TCP10L: variants seen among roughly 807,000 people sequenced by gnomAD.
TCP10L encodes t-complex 10 like.
Under a neutral mutation model 19.2 loss-of-function variants are expected in TCP10L, and 11 were observed. That is an observed-to-expected ratio of 0.57 (90% CI 0.36 to 0.95). The LOEUF is 0.95. Among genes scored for constraint, TCP10L ranks in the 40% least tolerant of loss-of-function variants. The pLI is 0.01. For missense variants in TCP10L, 247 were observed against 263.9 expected (o/e 0.94, Z 0.44); for synonymous variants, 96 against 97.2 (o/e 0.99, Z 0.07).
intron 3 of TCP10L, among the ~76,000 whole-genome samples, chr21:32,580,737 C>T (rs1405832919): frequency 6.6e-6 from 1 of 152,166 alleles, no homozygotes; most frequent in Non-Finnish European, 1.5e-5. Context: ...GGAAACAGAA[C>T]CCAGACAAGG....
chr21:32,575,963 A>G lies in TCP10L; in HGVS notation c.*811T>C, dbSNP rs1435671328. 2 of 239,316 alleles carry G rather than the reference A, an allele frequency of 8.4e-6. No individual in the cohort carries two copies. Among genetic ancestry groups the G allele is most frequent in the Non-Finnish European group, 1.6e-5 (2 of 121,702 alleles). The allele number at this position is 239,316 out of a possible 1,614,324, so 14.8% of individuals were successfully genotyped here. The stretch of plus-strand genomic sequence containing the variant: ...TGCTCAGAGGGAAGTGACCGCTAGG[A>G]TTCGGAATCTCCAGTCACGGCCCCT... On this transcript the variant is annotated 3_prime_UTR_variant, in exon 5 of 5. Coordinates refer to ENST00000300258, the MANE Select transcript of TCP10L (RefSeq NM_144659.7).
intron 3 of TCP10L, among the ~76,000 whole-genome samples, chr21:32,580,401 C>G (rs147040998): frequency 0.025 from 3,855 of 151,788 alleles, 183 homozygotes; most frequent in African/African-American, 0.089. Context: ...CCACCGCGCC[C>G]AGCTGTGGCT....
intron 3 of TCP10L, among the ~76,000 whole-genome samples, chr21:32,580,764 C>T (rs2038484681): frequency 6.6e-6 from 1 of 152,128 alleles, no homozygotes. Flanking sequence ...TAACACTGGC[C>T]ACATTCACAC....
rs535143532 is a variant in TCP10L at position 32,574,531 on chromosome 21, G to A, written c.*2243C>T. 9.0e-4 allele frequency: 151 copies of A among 167,282 alleles called. 1 individual carries two copies. Among genetic ancestry groups the A allele is most frequent in the East Asian group, 2.5e-3 (13 of 5,204 alleles). 10.4% of individuals were successfully genotyped at this position (167,282 alleles called of 1,614,324 possible). A position where few individuals can be genotyped will look rare whatever the true frequency, so the allele number is the denominator to read the frequency against. ...GTGAGCTTCTCAGGTCTCCCTCAGG[G>A]GAACCTGGCGGGCCACCCTTGCAGA... On this transcript the variant is annotated 3_prime_UTR_variant, in exon 5 of 5. Coordinates refer to ENST00000300258, the MANE Select transcript of TCP10L (RefSeq NM_144659.7).
intron 1 of TCP10L, among the ~76,000 whole-genome samples, chr21:32,584,994 G>A (rs1200418689): frequency 6.6e-6 from 1 of 152,140 alleles, no homozygotes; most frequent in Non-Finnish European, 1.5e-5. Context: ...AAGCTTTCCT[G>A]CAAGCCTGCA....
Position 32,578,464 on chromosome 21 carries a change from T to A in TCP10L, c.498+230A>T, listed in dbSNP as rs1366414416. On this transcript the variant is annotated intron_variant, in intron 4 of 4. Transcript: ENST00000300258. The surrounding 1 kb of genome is among the most constrained non-coding windows in gnomAD (Gnocchi z 4.2). ...CAGACGCTTGCTGCTGTGAGTGTAC[T>A]CAGAGGGAAGCAGCCGGGAGGACTT... 2.0e-5 allele frequency among the ~76,000 whole-genome samples: 3 copies of A among 152,188 alleles called. No homozygotes were observed. Among genetic ancestry groups the A allele is most frequent in the Non-Finnish European group, 4.4e-5 (3 of 68,042 alleles).
chr21:32,581,757 C>G (rs1638486293), intron 3 of TCP10L, among the ~76,000 whole-genome samples: 1 of 152,230 alleles, frequency 6.6e-6, no homozygotes, highest in African/African-American at 2.4e-5. Context: ...TGAGCTGGCT[C>G]TGGAGTCACC....
chr21:32,580,207 G>C (rs897527994), intron 3 of TCP10L, among the ~76,000 whole-genome samples: 4 of 152,094 alleles, frequency 2.6e-5, no homozygotes, highest in African/African-American at 9.7e-5. Context: ...CCTGATTCAG[G>C]CCATTCTCCA....
intron 4 of TCP10L, chr21:32,577,455 A>G (rs2038448222): frequency 6.6e-6 from 1 of 152,578 alleles, no homozygotes; most frequent in Non-Finnish European, 1.5e-5. Flanking sequence ...TAGATTTCTG[A>G]TCTTCCTTCA....
intron 3 of TCP10L, among the ~76,000 whole-genome samples, chr21:32,580,649 G>C (rs2038483999): frequency 6.6e-6 from 1 of 152,160 alleles, no homozygotes; most frequent in Non-Finnish European, 1.5e-5. Flanking sequence ...CTTACGTTTG[G>C]AGGGTGTTCA....
chr21:32,583,347 T>C (rs542632856), intron 2 of TCP10L, among the ~76,000 whole-genome samples: 1 of 152,100 alleles, frequency 6.6e-6, no homozygotes, highest in South Asian at 2.1e-4. Context: ...CCCAGCACTT[T>C]GGGAGGCCGA....
rs756996919 is a variant in TCP10L at position 32,575,964 on chromosome 21, T to C, written c.*810A>G. On this transcript the variant is annotated 3_prime_UTR_variant, in exon 5 of 5. Coordinates refer to ENST00000300258, the MANE Select transcript of TCP10L (RefSeq NM_144659.7). Reference sequence around the variant, plus strand: ...GCTCAGAGGGAAGTGACCGCTAGGATTCGGAATCTCCAGTCACGGCCCCTG... The same window carrying C: ...GCTCAGAGGGAAGTGACCGCTAGGACTCGGAATCTCCAGTCACGGCCCCTG... 4.2e-5 allele frequency: 10 copies of C among 238,628 alleles called. No homozygotes were observed. Among genetic ancestry groups the C allele is most frequent in the Non-Finnish European group, 8.2e-5 (10 of 121,318 alleles). The allele number at this position is 238,628 out of a possible 1,614,324, so 14.8% of individuals were successfully genotyped here.
Position 32,578,864 on chromosome 21 carries a change from T to C in TCP10L, c.361-33A>G. 4 of 1,612,632 alleles carry C rather than the reference T, an allele frequency of 2.5e-6. No homozygotes were observed. In the Middle Eastern group the frequency reaches 6.6e-4, roughly 266 times the overall value. ...ACAAAATGCAGGGAAATTCTTCACA[T>C]TTTCGAAGGTAAAATAAATTCAAAT... On this transcript the variant is annotated intron_variant, in intron 3 of 4. Coordinates refer to ENST00000300258, the MANE Select transcript of TCP10L (RefSeq NM_144659.7). The surrounding 1 kb of genome is among the most constrained non-coding windows in gnomAD (Gnocchi z 4.2).
chr21:32,577,013 T>G, intron 4 of TCP10L, 90 bp from the exon 5 acceptor site: 4 of 1,345,218 alleles, frequency 3.0e-6, no homozygotes, highest in Non-Finnish European at 4.1e-6. Context: ...TATCACAGAA[T>G]GTAGATGATT....
chr21:32,583,426 A>G (rs1308183099), intron 2 of TCP10L, among the ~76,000 whole-genome samples: 1 of 151,594 alleles, frequency 6.6e-6, no homozygotes, highest in Non-Finnish European at 1.5e-5. Context: ...CGTCTCTACT[A>G]AAAATACAAA....
chr21:32,580,901 G>A (rs1463718166), intron 3 of TCP10L, among the ~76,000 whole-genome samples: 1 of 152,224 alleles, frequency 6.6e-6, no homozygotes, highest in Non-Finnish European at 1.5e-5. Flanking sequence ...TCGGGATAGA[G>A]CAGGTTAGTG....
rs779989028 is a variant in TCP10L, at chr21:32,582,461, A to G, written c.145-46T>C. On this transcript the variant is annotated intron_variant, in intron 2 of 4. Transcript: ENST00000300258. This position sits in a 1 kb window ranked among gnomAD's most constrained non-coding sequence, Gnocchi z 4.2. Reference sequence around the variant, plus strand: ...CCAGAAAAACCTCTCAGATGTCACAATGGGCACATTTATCTGCAAAATACT... The same window carrying G: ...CCAGAAAAACCTCTCAGATGTCACAGTGGGCACATTTATCTGCAAAATACT... 5 of 1,569,860 alleles carry G rather than the reference A, an allele frequency of 3.2e-6. No individual in the cohort carries two copies. The highest frequency in any genetic ancestry group is 1.4e-5 in the African/African-American group (1 of 73,276).
intron 2 of TCP10L, among the ~76,000 whole-genome samples, chr21:32,583,152 A>G (rs976919928): frequency 1.2e-4 from 18 of 148,088 alleles, no homozygotes; most frequent in Non-Finnish European, 2.1e-4. Flanking sequence ...CTGGTGCCTC[A>G]GCATCCAGAG....
intron 1 of TCP10L, among the ~76,000 whole-genome samples, chr21:32,584,970 A>G (rs939909585): frequency 2.0e-5 from 3 of 152,158 alleles, no homozygotes; most frequent in African/African-American, 7.2e-5. Context: ...ACAAAAACGA[A>G]AGAGAAAAAC....
Sources: allele counts gnomAD v4.1 joint callset (sites outside exome capture counted in the v4.1 genomes callset), GRCh38; gene constraint gnomAD v4.1.1; non-coding constraint Gnocchi (gnomAD v3.1); transcripts MANE v1.5; gene names NCBI Gene and HGNC (gene_info 2026-07-23, HGNC 2026-07-21).